The following CACNB2 variants were observed in gnomAD, a reference collection of about 807,000 sequenced individuals.
CACNB2 encodes voltage-dependent L-type calcium channel subunit beta-2.
CACNB2 carries 42 observed loss-of-function variants against 73.3 expected under a neutral mutation model. The ratio of observed to expected loss-of-function variants is 0.57; its 90% CI spans 0.45 to 0.74. The LOEUF (loss-of-function observed/expected upper bound fraction) is 0.74. Ranked by LOEUF, CACNB2 falls within the 30% of genes least tolerant of loss-of-function variation. The pLI, the probability that CACNB2 is intolerant of heterozygous loss-of-function variation, is 0.00. For synonymous variants in CACNB2, 348 were observed against 310.3 expected, an observed-to-expected ratio of 1.12 and a Z score of -1.28; for missense variants, 940 against 853.0, an observed-to-expected ratio of 1.10 and a Z score of -1.27.
intron 2 of CACNB2, among the ~76,000 whole-genome samples, chr10:18,157,316 T>A (rs986896806): frequency 3.9e-5 from 6 of 152,244 alleles, no homozygotes; most frequent in Non-Finnish European, 2.9e-5. Context: ...CTGGCTTTGC[T>A]ATTTATTAGT....
intron 9 of CACNB2, among the ~76,000 whole-genome samples, chr10:18,522,547 A>G (rs959652587): frequency 6.6e-6 from 1 of 152,148 alleles, no homozygotes; most frequent in African/African-American, 2.4e-5. Context: ...AGGCAAGGGT[A>G]GGAAGGAAAG....
intron 3 of CACNB2, among the ~76,000 whole-genome samples, chr10:18,458,417 GGAT>G (rs927350632): frequency 3.1e-4 from 47 of 152,154 alleles, no homozygotes; most frequent in African/African-American, 1.1e-3. Flanking sequence ...AACTGTATGA[GGAT>G]GGGAATTGTG....
intron 11 of CACNB2, among the ~76,000 whole-genome samples, chr10:18,535,494 C>T (rs145874228): frequency 2.1e-3 from 326 of 152,082 alleles, no homozygotes; most frequent in Non-Finnish European, 3.2e-3. Context: ...AAAATTCGGC[C>T]GGGCGCAGTG....
At chr10:18,278,175 T>G (rs542901218) in intron 2 of CACNB2, among the ~76,000 whole-genome samples, 1 of 152,294 alleles carries the variant, frequency 6.6e-6, no homozygotes, top group South Asian at 2.1e-4. Flanking sequence ...AAATGCAGGA[T>G]TTAGCTTATG....
chr10:18,253,978 T>C (rs935958936), intron 2 of CACNB2, among the ~76,000 whole-genome samples: 1 of 152,308 alleles, frequency 6.6e-6, no homozygotes, highest in South Asian at 2.1e-4. Flanking sequence ...CAAATTTACA[T>C]CATACGAAGC....
At chr10:18,249,902 C>G (rs1269065273) in intron 2 of CACNB2, among the ~76,000 whole-genome samples, 1 of 152,094 alleles carries the variant, frequency 6.6e-6, no homozygotes, top group African/African-American at 2.4e-5. Context: ...TCCTCTGATC[C>G]TGCTCCTCCC....
At chr10:18,223,549 C>T (rs2035874115) in intron 2 of CACNB2, among the ~76,000 whole-genome samples, 1 of 152,030 alleles carries the variant, frequency 6.6e-6, no homozygotes, top group African/African-American at 2.4e-5. Context: ...AATACTTATG[C>T]AGAAAAGCAC....
intron 5 of CACNB2, among the ~76,000 whole-genome samples, chr10:18,501,364 T>G (rs1283722422): frequency 6.6e-6 from 1 of 152,230 alleles, no homozygotes; most frequent in East Asian, 1.9e-4. Flanking sequence ...CAGTGGCAGC[T>G]CTTGTCATCC....
intron 13 of CACNB2, 75 bp downstream of exon 13, chr10:18,538,440 G>C (rs1167949932): frequency 3.7e-6 from 5 of 1,343,418 alleles, no homozygotes; most frequent in African/African-American, 1.5e-5. Context: ...ACACCTCTAG[G>C]ATCCAAGCCC....
At chr10:18,141,239 G>GCCCC in intron 1 of CACNB2, 1 of 723,966 alleles carries the variant, frequency 1.4e-6, no homozygotes, top group Non-Finnish European at 2.4e-6. Flanking sequence ...GGCGGGAGGG[G>GCCCC]GCCCGCTTCC....
chr10:18,407,822 G>A (rs553335812), intron 3 of CACNB2, among the ~76,000 whole-genome samples: 2 of 151,884 alleles, frequency 1.3e-5, no homozygotes, highest in Non-Finnish European at 2.9e-5. Flanking sequence ...TTCATTTATA[G>A]CTTCTTGTTT....
intron 3 of CACNB2, among the ~76,000 whole-genome samples, chr10:18,479,727 C>G (rs145195810): frequency 1.3e-5 from 2 of 152,226 alleles, no homozygotes; most frequent in African/African-American, 2.4e-5. Flanking sequence ...CTCTCACTCT[C>G]TCTTGCTCTC....
At chr10:18,238,086 T>G (rs2036517557) in intron 2 of CACNB2, among the ~76,000 whole-genome samples, 1 of 152,196 alleles carries the variant, frequency 6.6e-6, no homozygotes, top group African/African-American at 2.4e-5. Context: ...GTAGACTGAC[T>G]TTAGGATGGG....
intron 2 of CACNB2, among the ~76,000 whole-genome samples, chr10:18,220,250 GAGAGAGAGAGAGAGAGAGAGAGAGAA>G (rs2035733031): frequency 8.6e-6 from 1 of 116,324 alleles, no homozygotes; most frequent in Non-Finnish European, 1.7e-5. Flanking sequence ...GAGAGAGAGA[GAGAGAGAGAGAGAGAGAGAGAGAGAA>G]AGAGAGAGAA....
At chr10:18,445,761 T>A (rs775038765) in intron 3 of CACNB2, among the ~76,000 whole-genome samples, 13 of 152,060 alleles carry the variant, frequency 8.5e-5, no homozygotes, top group Admixed American at 1.3e-4. Context: ...GGGCCAGGTG[T>A]GATGGCTCAC....
chr10:18,378,303 T>C (rs2132343460), intron 2 of CACNB2, among the ~76,000 whole-genome samples: 1 of 152,324 alleles, frequency 6.6e-6, no homozygotes, highest in Admixed American at 6.5e-5. Context: ...ATTGGGTATT[T>C]TAGTGCTTGA....
intron 3 of CACNB2, among the ~76,000 whole-genome samples, chr10:18,408,905 T>G (rs1405843560): frequency 6.6e-6 from 1 of 152,192 alleles, no homozygotes; most frequent in Non-Finnish European, 1.5e-5. Flanking sequence ...AGGCTGGAGT[T>G]GCAGTGGCAT....
At chr10:18,477,977 C>G (rs551534193) in intron 3 of CACNB2, among the ~76,000 whole-genome samples, 2 of 152,264 alleles carry the variant, frequency 1.3e-5, no homozygotes, top group African/African-American at 4.8e-5. Flanking sequence ...TCTTGTTGCC[C>G]AGGCTGGAGT....
At chr10:18,150,853 G>GTGTTTTTTT in intron 1 of CACNB2, 30 bp from the exon 2 acceptor site, 1 of 655,042 alleles carries the variant, frequency 1.5e-6, no homozygotes, top group Non-Finnish European at 2.1e-6. Flanking sequence ...AATCTTATTT[G>GTGTTTTTTT]TCTTTTTTTT....
Sources: allele counts gnomAD v4.1 joint callset (sites outside exome capture counted in the v4.1 genomes callset), GRCh38; gene constraint gnomAD v4.1.1; transcripts MANE v1.5; gene names NCBI Gene and HGNC (gene_info 2026-07-23, HGNC 2026-07-21).